Variants in DPP6 observed in about 807,000 individuals in gnomAD.
DPP6 encodes the protein A-type potassium channel modulatory protein DPP6.
In DPP6, 69 loss-of-function variants were observed where a neutral mutation model predicts 122.6. That is an observed-to-expected ratio of 0.56 (90% CI 0.46 to 0.69). DPP6 has a LOEUF of 0.69. DPP6 is among the 30% of genes least tolerant of loss of function. The pLI is 0.00. For missense variants in DPP6, 928 were observed against 1,116.9 expected, an observed-to-expected ratio of 0.83 and a Z score of 2.41; for synonymous variants, 418 against 433.1, an observed-to-expected ratio of 0.97 and a Z score of 0.43.
At chr7:154,429,305 C>T (rs566741757) in intron 1 of DPP6, among the ~76,000 whole-genome samples, 37 of 152,306 alleles carry the variant, frequency 2.4e-4, no homozygotes, top group African/African-American at 7.5e-4. Context: ...AATTTGCTGA[C>T]GCTCCTCTGA....
chr7:154,206,323 C>G (rs1391902017), intron 1 of DPP6, among the ~76,000 whole-genome samples: 1 of 152,264 alleles, frequency 6.6e-6, no homozygotes, highest in African/African-American at 2.4e-5. Context: ...GCAACCTCCT[C>G]TGGCATCTCT....
At chr7:154,110,359 G>A (rs1806483596) in intron 1 of DPP6, among the ~76,000 whole-genome samples, 1 of 152,274 alleles carries the variant, frequency 6.6e-6, no homozygotes, top group African/African-American at 2.4e-5. Context: ...TGTGTTACAT[G>A]AAACAGAAAA....
chr7:154,162,303 G>A (rs1265081519), intron 1 of DPP6, among the ~76,000 whole-genome samples: 5 of 152,148 alleles, frequency 3.3e-5, no homozygotes, highest in Non-Finnish European at 7.3e-5. Flanking sequence ...TGGACCAGGA[G>A]TGTCTTGGGA....
At chr7:154,759,157 GCCA>G (rs1563179002) in intron 8 of DPP6, among the ~76,000 whole-genome samples, 1 of 152,124 alleles carries the variant, frequency 6.6e-6, no homozygotes, top group Non-Finnish European at 1.5e-5. Context: ...TTCACCCCTC[GCCA>G]CCACCCCGCA....
intron 6 of DPP6, among the ~76,000 whole-genome samples, chr7:154,656,648 C>G (rs1837271131): frequency 6.6e-6 from 1 of 152,102 alleles, no homozygotes; most frequent in Non-Finnish European, 1.5e-5. Flanking sequence ...GGACCACTCA[C>G]TGGATTGGAC....
At chr7:154,807,198 A>T (rs2293357) in intron 16 of DPP6, 86 bp downstream of exon 16, 2 of 1,500,992 alleles carry the variant, frequency 1.3e-6, no homozygotes, top group Non-Finnish European at 1.8e-6. Context: ...GGGAGGGGGC[A>T]GCGGCTGTGG....
intron 22 of DPP6, among the ~76,000 whole-genome samples, chr7:154,886,027 G>C (rs1198257476): frequency 6.6e-6 from 1 of 152,246 alleles, no homozygotes; most frequent in Non-Finnish European, 1.5e-5. Context: ...TGGCAGCAGT[G>C]GGGGCGAGGA....
chr7:154,242,604 A>G (rs956768413), intron 1 of DPP6, among the ~76,000 whole-genome samples: 1 of 152,298 alleles, frequency 6.6e-6, no homozygotes, highest in African/African-American at 2.4e-5. Context: ...GAAAGGAAAC[A>G]TGAGAGGTGA....
intron 20 of DPP6, among the ~76,000 whole-genome samples, chr7:154,878,551 T>A (rs1232714904): frequency 6.6e-6 from 1 of 152,184 alleles, no homozygotes; most frequent in Non-Finnish European, 1.5e-5. Flanking sequence ...ATAGCCCAAT[T>A]TGATCGGAAA....
chr7:153,769,315 A>C, the DPP6 span, among the ~76,000 whole-genome samples: 1 of 152,310 alleles, frequency 6.6e-6, no homozygotes, highest in Middle Eastern at 3.4e-3. Context: ...ATATATGCAT[A>C]CATTGTGAAA....
At chr7:154,116,091 A>G (rs1009657535) in intron 1 of DPP6, among the ~76,000 whole-genome samples, 2 of 150,740 alleles carry the variant, frequency 1.3e-5, no homozygotes, top group Non-Finnish European at 3.0e-5. Context: ...CTGCTTATCC[A>G]TCATATTTAT....
intron 16 of DPP6, among the ~76,000 whole-genome samples, chr7:154,841,834 A>G (rs1217854303): frequency 6.6e-6 from 1 of 152,030 alleles, no homozygotes; most frequent in Non-Finnish European, 1.5e-5. Flanking sequence ...GACACATAAA[A>G]TTGGATTGAA....
rs143517995 is a variant in DPP6 at position 154,819,779 on chromosome 7, T to C, written c.1666+12667T>C. ...TTGAAGAATTTTTGTAAAGTAAACA[T>C]AAATGGTTCACTGTTAAAGTGAAAG... On this transcript the variant is annotated intron_variant, in intron 16 of 25. Transcript: ENST00000377770. Among the ~76,000 whole-genome samples, 3 of 152,256 alleles carry C rather than the reference T, an allele frequency of 2.0e-5. No homozygotes were observed. In the East Asian group the frequency reaches 5.8e-4, roughly 29 times the overall value.
At chr7:154,679,539 G>A (rs1224312633) in intron 7 of DPP6, among the ~76,000 whole-genome samples, 2 of 152,186 alleles carry the variant, frequency 1.3e-5, no homozygotes, top group Non-Finnish European at 2.9e-5. Context: ...CTCAGGGTTA[G>A]CGCTGCCCAC....
At chr7:154,764,943 G>A (rs1030686586) in intron 8 of DPP6, among the ~76,000 whole-genome samples, 3 of 152,072 alleles carry the variant, frequency 2.0e-5, no homozygotes, top group African/African-American at 7.2e-5. Flanking sequence ...TCCTAAGAAA[G>A]CAGCACCAAA....
chr7:154,445,203 C>G (rs1442311003), intron 1 of DPP6, among the ~76,000 whole-genome samples: 1 of 152,162 alleles, frequency 6.6e-6, no homozygotes. Flanking sequence ...GGCTTGGTTA[C>G]TAAGTTGCAG....
At chr7:154,044,729 G>A (rs1799934604) in intron 1 of DPP6, among the ~76,000 whole-genome samples, 1 of 152,214 alleles carries the variant, frequency 6.6e-6, no homozygotes, top group African/African-American at 2.4e-5. Context: ...ATGCTTGAAA[G>A]GAGTGGATTC....
intron 1 of DPP6, among the ~76,000 whole-genome samples, chr7:153,999,441 C>G (rs1797588327): frequency 6.6e-6 from 1 of 152,178 alleles, no homozygotes; most frequent in South Asian, 2.1e-4. Context: ...ATCTTCAAGG[C>G]TTTGTTTGAC....
intron 1 of DPP6, among the ~76,000 whole-genome samples, chr7:153,994,278 G>A (rs1194686711): frequency 1.3e-5 from 2 of 151,716 alleles, no homozygotes; most frequent in African/African-American, 2.4e-5. Flanking sequence ...ACCATACCAC[G>A]TAACAGCAAC....
Sources: allele counts gnomAD v4.1 joint callset (sites outside exome capture counted in the v4.1 genomes callset), GRCh38; gene constraint gnomAD v4.1.1; transcripts MANE v1.5; gene names NCBI Gene and HGNC (gene_info 2026-07-23, HGNC 2026-07-21).